Variants in COP1 observed in about 807,000 individuals in gnomAD.
The protein encoded by COP1 is E3 ubiquitin-protein ligase COP1.
Under a neutral mutation model 101.3 loss-of-function variants are expected in COP1, and 24 were observed. The observed-to-expected ratio is 0.24, with a 90% CI of 0.17 to 0.33. The LOEUF is 0.33. COP1 is among the 10% of genes least tolerant of loss of function. The pLI is 1.00. For missense variants in COP1, 663 were observed against 906.2 expected, an observed-to-expected ratio of 0.73 and a Z score of 3.45; for synonymous variants, 347 against 341.9, an observed-to-expected ratio of 1.01 and a Z score of -0.17.
chr1:176,048,213 TACA>T (rs1671855027), intron 11 of COP1, among the ~76,000 whole-genome samples: 1 of 147,440 alleles, frequency 6.8e-6, no homozygotes. Context: ...TTTTTTTTTT[TACA>T]GAGATGGGGT....
intron 8 of COP1, among the ~76,000 whole-genome samples, chr1:176,118,394 C>T (rs953050673): frequency 4.6e-5 from 7 of 151,396 alleles, no homozygotes; most frequent in Non-Finnish European, 7.4e-5. Flanking sequence ...TAAAATTACA[C>T]GAAAGAAAGA....
At chr1:176,016,361 C>A (rs1012129768) in intron 15 of COP1, among the ~76,000 whole-genome samples, 2 of 152,050 alleles carry the variant, frequency 1.3e-5, no homozygotes, top group Admixed American at 1.3e-4. Context: ...AGAATCCAAG[C>A]GAGGAAAGTT....
At chr1:176,090,998 A>G (rs1251669037) in intron 9 of COP1, among the ~76,000 whole-genome samples, 2 of 152,210 alleles carry the variant, frequency 1.3e-5, no homozygotes, top group African/African-American at 4.8e-5. Flanking sequence ...TAAAACCAAA[A>G]GAAAGATAAT....
chr1:176,080,215 C>A (rs1055316395), intron 11 of COP1, among the ~76,000 whole-genome samples: 2 of 152,084 alleles, frequency 1.3e-5, no homozygotes, highest in Admixed American at 1.3e-4. Context: ...TAAAATAGTA[C>A]TTTGAACTAT....
At chr1:176,135,777 T>C (rs1164074230) in intron 7 of COP1, among the ~76,000 whole-genome samples, 4 of 151,986 alleles carry the variant, frequency 2.6e-5, no homozygotes, top group Non-Finnish European at 4.4e-5. Flanking sequence ...CATAATCAGG[T>C]AAAATTATTT....
chr1:176,104,000 A>G (rs1045831304), intron 9 of COP1, among the ~76,000 whole-genome samples: 18 of 152,218 alleles, frequency 1.2e-4, no homozygotes, highest in African/African-American at 4.3e-4. Flanking sequence ...AAGCTAAGAT[A>G]GGGGAAGAAG....
intron 15 of COP1, among the ~76,000 whole-genome samples, chr1:175,995,719 G>C (rs955890043): frequency 1.8e-4 from 27 of 152,120 alleles, no homozygotes; most frequent in African/African-American, 6.5e-4. Context: ...TCTCTGAATA[G>C]ACCAATAACA....
chr1:176,133,391 CTT>C (rs1490124089), intron 8 of COP1, among the ~76,000 whole-genome samples: 1 of 151,472 alleles, frequency 6.6e-6, no homozygotes, highest in Non-Finnish European at 1.5e-5. Flanking sequence ...TATTAGGTCT[CTT>C]TATGTGCTCT....
intron 18 of COP1, among the ~76,000 whole-genome samples, chr1:175,980,850 T>A (rs926097065): frequency 6.6e-6 from 1 of 152,116 alleles, no homozygotes; most frequent in Non-Finnish European, 1.5e-5. Flanking sequence ...AAAACAATAA[T>A]AGGGTATCTG....
chr1:176,198,853 AAT>A (rs1395288066), intron 1 of COP1, among the ~76,000 whole-genome samples: 4 of 152,352 alleles, frequency 2.6e-5, no homozygotes, highest in Non-Finnish European at 4.4e-5. Context: ...AGCACATAAA[AAT>A]ATGTTACATA....
chr1:176,092,185 T>C (rs1254940168), intron 9 of COP1, among the ~76,000 whole-genome samples: 1 of 152,116 alleles, frequency 6.6e-6, no homozygotes, highest in Non-Finnish European at 1.5e-5. Flanking sequence ...AGTTTATATA[T>C]GGCCAAATAT....
intron 18 of COP1, among the ~76,000 whole-genome samples, chr1:175,973,428 A>G (rs1653763193): frequency 6.6e-6 from 1 of 152,250 alleles, no homozygotes; most frequent in Admixed American, 6.5e-5. Flanking sequence ...ACATGAAGTC[A>G]GCATAACACA....
intron 15 of COP1, among the ~76,000 whole-genome samples, chr1:175,992,789 T>C (rs1316022868): frequency 6.6e-6 from 1 of 152,218 alleles, no homozygotes; most frequent in Non-Finnish European, 1.5e-5. Context: ...GAGGCCTGCC[T>C]GCCTCTGTAG....
rs56720201 is a variant in COP1, at chr1:176,081,294, GAAAAA to G, written c.1142-12_1142-8del. 7.6e-5 allele frequency: 97 copies of G among 1,282,694 alleles called. No homozygotes were observed. The highest frequency in any genetic ancestry group is 2.7e-4 in the Admixed American group (9 of 33,754). The allele number at this position is 1,282,694 out of a possible 1,614,324, so 79.5% of individuals were successfully genotyped here. A position where few individuals can be genotyped will look rare whatever the true frequency, so the allele number is the denominator to read the frequency against. On this transcript the variant is annotated splice_region_variant and splice_polypyrimidine_tract_variant and intron_variant, in intron 10 of 19. Coordinates refer to ENST00000367669, the MANE Select transcript of COP1 (RefSeq NM_022457.7). ...CTTGCAGTTCGACTGTCATCTATAT[GAAAAA>G]AAAAAAAAAAAGACAAAACAGATGA...
At chr1:176,108,111 T>C (rs986219829) in intron 9 of COP1, among the ~76,000 whole-genome samples, 1 of 152,032 alleles carries the variant, frequency 6.6e-6, no homozygotes, top group African/African-American at 2.4e-5. Flanking sequence ...AAGTAAAAAT[T>C]TTAGGTTTTC....
intron 8 of COP1, among the ~76,000 whole-genome samples, chr1:176,127,595 G>GTGTGTGTGTGTGTA (rs1558162883): frequency 2.3e-5 from 2 of 86,984 alleles, no homozygotes; most frequent in African/African-American, 6.1e-5. Flanking sequence ...GTGTGTATGT[G>GTGTGTGTGTGTGTA]TATATATGTG....
chr1:176,088,502 A>G (rs962092772), intron 9 of COP1, among the ~76,000 whole-genome samples: 1 of 152,198 alleles, frequency 6.6e-6, no homozygotes, highest in African/African-American at 2.4e-5. Context: ...GATCACATGT[A>G]TGTGTTTGTC....
chr1:176,113,956 T>TC (rs1685732339), intron 9 of COP1, among the ~76,000 whole-genome samples: 1 of 151,488 alleles, frequency 6.6e-6, no homozygotes. Context: ...TTTTTTTTTT[T>TC]TTTTATAGTT....
chr1:176,065,729 A>G (rs1453553318), intron 11 of COP1, among the ~76,000 whole-genome samples: 2 of 139,726 alleles, frequency 1.4e-5, no homozygotes, highest in Admixed American at 7.3e-5. Context: ...TTTTTTTCAG[A>G]CGGAGTCTTG....
Sources: allele counts gnomAD v4.1 joint callset (sites outside exome capture counted in the v4.1 genomes callset), GRCh38; gene constraint gnomAD v4.1.1; transcripts MANE v1.5; gene names NCBI Gene and HGNC (gene_info 2026-07-23, HGNC 2026-07-21).